The following LRRC4C variants were observed in gnomAD, a reference collection of about 807,000 sequenced individuals.
The protein encoded by LRRC4C is leucine-rich repeat-containing protein 4C.
In LRRC4C, 5 loss-of-function variants were observed where a neutral mutation model predicts 33.6. The ratio of observed to expected loss-of-function variants is 0.15; its 90% CI spans 0.08 to 0.31. LRRC4C has a LOEUF of 0.31. Among genes scored for constraint, LRRC4C ranks in the 10% least tolerant of loss-of-function variants. The pLI, the probability that LRRC4C is intolerant of heterozygous loss-of-function variation, is 1.00. For missense variants in LRRC4C, 560 were observed against 796.7 expected, an observed-to-expected ratio of 0.70 and a Z score of 3.58; for synonymous variants, 329 against 302.0, an observed-to-expected ratio of 1.09 and a Z score of -0.93.
At chr11:40,586,957 G>A (rs113471043) in intron 3 of LRRC4C, among the ~76,000 whole-genome samples, 1 of 152,002 alleles carries the variant, frequency 6.6e-6, no homozygotes, top group African/African-American at 2.4e-5. Flanking sequence ...TGGTGATGCG[G>A]GCTCTTTTTT....
At chr11:40,235,950 C>T (rs1269809785) in intron 5 of LRRC4C, among the ~76,000 whole-genome samples, 3 of 152,084 alleles carry the variant, frequency 2.0e-5, no homozygotes, top group Non-Finnish European at 4.4e-5. Flanking sequence ...TGCCAGAACT[C>T]TATCTCAATA....
At chr11:40,917,486 A>G (rs1046661577) in intron 2 of LRRC4C, among the ~76,000 whole-genome samples, 2 of 152,166 alleles carry the variant, frequency 1.3e-5, no homozygotes, top group South Asian at 4.1e-4. Flanking sequence ...ATTTCAACTT[A>G]TAAAAGAACC....
At chr11:40,899,516 C>T (rs544833045) in intron 2 of LRRC4C, among the ~76,000 whole-genome samples, 2 of 152,088 alleles carry the variant, frequency 1.3e-5, no homozygotes, top group African/African-American at 4.8e-5. Flanking sequence ...TTTTTTTAAA[C>T]AGCTAGCACA....
At chr11:40,991,581 T>C (rs184856950) in intron 1 of LRRC4C, among the ~76,000 whole-genome samples, 206 of 152,346 alleles carry the variant, frequency 1.4e-3, no homozygotes, top group Non-Finnish European at 2.3e-3. Context: ...GAAATAATTA[T>C]ATAATTCACC....
intron 1 of LRRC4C, among the ~76,000 whole-genome samples, chr11:41,403,970 C>A (rs1172345789): frequency 6.6e-6 from 1 of 152,028 alleles, no homozygotes; most frequent in Non-Finnish European, 1.5e-5. Context: ...TAGACACATA[C>A]ACAATGGCAA....
intron 2 of LRRC4C, among the ~76,000 whole-genome samples, chr11:40,748,155 A>C (rs1399117928): frequency 1.3e-5 from 2 of 152,168 alleles, no homozygotes; most frequent in African/African-American, 4.8e-5. Context: ...TAAAAACCAC[A>C]AGAGAAATGA....
chr11:40,178,162 C>A lies in LRRC4C; in HGVS notation c.-95-37309G>T, dbSNP rs73453870. 6.5e-3 allele frequency among the ~76,000 whole-genome samples: 985 copies of A among 152,274 alleles called. 13 individuals carry two copies. Among genetic ancestry groups the A allele is most frequent in the African/African-American group, 0.023 (939 of 41,544 alleles). The stretch of plus-strand genomic sequence containing the variant: ...ATCTTATTGCCATCTGGAGGCTGTA[C>A]TACCCGATGGCAAGAAGGGAACAAA... On this transcript the variant is annotated intron_variant, in intron 5 of 6. Transcript: ENST00000528697.
chr11:41,175,356 C>T lies in LRRC4C; in HGVS notation c.-495-241633G>A, dbSNP rs1050966051. Reference sequence around the variant, plus strand: ...GTCAAGCTTATTCTGCAGGAGGAAACAATTACCAAATGTGAATGGCTTAAA... The same window carrying T: ...GTCAAGCTTATTCTGCAGGAGGAAATAATTACCAAATGTGAATGGCTTAAA... On this transcript the variant is annotated intron_variant, in intron 1 of 6. Transcript: ENST00000528697. Among the ~76,000 whole-genome samples the T allele has an allele frequency of 2.6e-5, 4 of 152,126 alleles. No individual in the cohort carries two copies. The South Asian group carries it at 8.3e-4, about 31-fold the overall frequency.
chr11:40,225,440 A>G (rs946651647), intron 5 of LRRC4C, among the ~76,000 whole-genome samples: 7 of 152,144 alleles, frequency 4.6e-5, no homozygotes, highest in African/African-American at 1.7e-4. Flanking sequence ...TTTGCCACTT[A>G]TATGTGAGGT....
At chr11:41,239,894 T>C (rs1386296246) in intron 1 of LRRC4C, among the ~76,000 whole-genome samples, 1 of 152,220 alleles carries the variant, frequency 6.6e-6, no homozygotes, top group Non-Finnish European at 1.5e-5. Context: ...AACAATTGCA[T>C]TTATTGGTGA....
At chr11:40,401,769 G>A (rs947407838) in intron 3 of LRRC4C, among the ~76,000 whole-genome samples, 3 of 152,122 alleles carry the variant, frequency 2.0e-5, no homozygotes, top group Non-Finnish European at 4.4e-5. Context: ...TAATCCTTTA[G>A]TATATGAGGA....
chr11:40,907,146 T>A (rs1344019436), intron 2 of LRRC4C, among the ~76,000 whole-genome samples: 1 of 152,226 alleles, frequency 6.6e-6, no homozygotes, highest in African/African-American at 2.4e-5. Context: ...CAGTCTTCTA[T>A]CAGATAGTTC....
At chr11:40,566,841 A>T (rs541003146) in intron 3 of LRRC4C, among the ~76,000 whole-genome samples, 1 of 152,270 alleles carries the variant, frequency 6.6e-6, no homozygotes, top group East Asian at 1.9e-4. Flanking sequence ...AATTTCTTTA[A>T]ATAAGAAGAA....
intron 3 of LRRC4C, among the ~76,000 whole-genome samples, chr11:40,371,261 A>T (rs1454938088): frequency 2.6e-5 from 4 of 152,198 alleles, no homozygotes. Flanking sequence ...ACAACATTAC[A>T]AATTGCAGTT....
rs540391180 is a variant in LRRC4C, at chr11:40,278,204, T to G, written c.-175-36606A>C. On this transcript the variant is annotated intron_variant, in intron 4 of 6. Transcript: ENST00000528697. ...AACAGAGCTTCTTAACAAATATTTG[T>G]ATCCAAAGGCCAGATATGAGTTTCC... 1.5e-4 allele frequency among the ~76,000 whole-genome samples: 23 copies of G among 152,300 alleles called. 1 individual carries two copies. Among genetic ancestry groups the G allele is most frequent in the Middle Eastern group, 3.4e-3 (1 of 294 alleles).
chr11:41,004,550 C>T (rs988617030), intron 1 of LRRC4C, among the ~76,000 whole-genome samples: 4 of 152,122 alleles, frequency 2.6e-5, no homozygotes, highest in East Asian at 1.9e-4. Context: ...TAAAAATTTA[C>T]GTATGTAACT....
intron 1 of LRRC4C, among the ~76,000 whole-genome samples, chr11:41,030,749 A>G (rs1856677062): frequency 6.6e-6 from 1 of 151,826 alleles, no homozygotes; most frequent in Admixed American, 6.6e-5. Context: ...CAAAATCAGA[A>G]TATGAGAAAT....
intron 3 of LRRC4C, among the ~76,000 whole-genome samples, chr11:40,480,790 T>C (rs2138400759): frequency 6.6e-6 from 1 of 152,164 alleles, no homozygotes; most frequent in South Asian, 2.1e-4. Context: ...ACAACATGGA[T>C]GGACCTGAAA....
At chr11:40,408,998 C>T (rs1331731762) in intron 3 of LRRC4C, among the ~76,000 whole-genome samples, 1 of 151,920 alleles carries the variant, frequency 6.6e-6, no homozygotes, top group Non-Finnish European at 1.5e-5. Flanking sequence ...CACTACCTGA[C>T]TTTAAAATAT....
Sources: gnomAD v4.1 joint callset for allele counts (sites outside exome capture counted in the v4.1 genomes callset) on GRCh38, gnomAD v4.1.1 for gene constraint, MANE v1.5 for transcripts, NCBI Gene and HGNC (gene_info 2026-07-23, HGNC 2026-07-21) for gene names.